ARHGAP6: variants seen among roughly 807,000 people sequenced by gnomAD.
ARHGAP6 encodes Rho GTPase activating protein 6.
A neutral mutation model predicts 55.7 loss-of-function variants in ARHGAP6; 16 were observed. That is an observed-to-expected ratio of 0.29 (90% CI 0.19 to 0.44). The LOEUF is 0.44. Ranked by LOEUF, ARHGAP6 falls within the 20% of genes least tolerant of loss-of-function variation. The pLI is 1.00. For synonymous variants in ARHGAP6, 382 were observed against 360.9 expected, an observed-to-expected ratio of 1.06 and a Z score of -0.66; for missense variants, 698 against 808.9, an observed-to-expected ratio of 0.86 and a Z score of 1.66.
chrX:11,662,385 C>T (rs767791770), intron 1 of ARHGAP6, among the ~76,000 whole-genome samples: 1 of 110,398 alleles, frequency 9.1e-6, no homozygotes, highest in South Asian at 4.0e-4. Context: ...TCCATGCCTG[C>T]CTCAAGCATA....
chrX:11,523,036 A>T (rs1208895873), intron 1 of ARHGAP6, among the ~76,000 whole-genome samples: 2 of 111,826 alleles, frequency 1.8e-5, no homozygotes, highest in East Asian at 5.6e-4. Flanking sequence ...CTTCTCCACC[A>T]TGATCAAGTG....
chrX:11,491,460 G>A (rs140594944), intron 1 of ARHGAP6, among the ~76,000 whole-genome samples: 8,084 of 109,083 alleles, frequency 0.074, 349 homozygotes, highest in East Asian at 0.17. Flanking sequence ...GAGAATATGC[G>A]GTGTCTGGTT....
At chrX:11,365,842 T>C (rs1441403866) in intron 1 of ARHGAP6, among the ~76,000 whole-genome samples, 1 of 112,109 alleles carries the variant, frequency 8.9e-6, no homozygotes, top group Non-Finnish European at 1.9e-5. Context: ...ATACCACTGG[T>C]TTTAGTCAGC....
intron 3 of ARHGAP6, among the ~76,000 whole-genome samples, chrX:11,191,692 G>A (rs371451777): frequency 2.7e-5 from 3 of 111,060 alleles, no homozygotes; most frequent in African/African-American, 6.6e-5. Context: ...ACTTCATCCC[G>A]TCTAGCTGGT....
chrX:11,588,291 T>C (rs765135428), intron 1 of ARHGAP6, among the ~76,000 whole-genome samples: 1 of 112,275 alleles, frequency 8.9e-6, no homozygotes. Context: ...TCTACAAATG[T>C]AGATAATCAC....
At chrX:11,456,196 G>A (rs1420132346) in intron 1 of ARHGAP6, among the ~76,000 whole-genome samples, 5 of 111,602 alleles carry the variant, frequency 4.5e-5, no homozygotes, top group East Asian at 5.6e-4. Flanking sequence ...TTTAACTATC[G>A]TAAGCCACTA....
chrX:11,570,328 A>C (rs1418188402), intron 1 of ARHGAP6, among the ~76,000 whole-genome samples: 1 of 111,998 alleles, frequency 8.9e-6, no homozygotes, highest in Non-Finnish European at 1.9e-5. Context: ...TCTTCTGCTC[A>C]TCTGAAGAAT....
chrX:11,218,607 T>G (rs1265867), intron 2 of ARHGAP6, among the ~76,000 whole-genome samples: 49,030 of 110,008 alleles, frequency 0.45, 8,575 homozygotes, highest in East Asian at 0.78. Context: ...TTTTTTTGGT[T>G]GGTAGGCTAT....
At chrX:11,634,500 A>G (rs1361126991) in intron 1 of ARHGAP6, among the ~76,000 whole-genome samples, 1 of 111,539 alleles carries the variant, frequency 9.0e-6, no homozygotes, top group Non-Finnish European at 1.9e-5. Flanking sequence ...TAAGATATGT[A>G]GTCATTGTAG....
chrX:11,659,284 C>T (rs886199622), intron 1 of ARHGAP6, among the ~76,000 whole-genome samples: 1 of 111,346 alleles, frequency 9.0e-6, no homozygotes, highest in African/African-American at 3.3e-5. Context: ...CCATGCTCCC[C>T]CAGACACCAG....
At chrX:11,453,188 C>G (rs1181776798) in intron 1 of ARHGAP6, among the ~76,000 whole-genome samples, 1 of 95,326 alleles carries the variant, frequency 1.0e-5, no homozygotes, top group East Asian at 3.0e-4. Context: ...TTGGCTCTCT[C>G]TCTCTCTATA....
chrX:11,566,216 G>A (rs1169529934), intron 1 of ARHGAP6, among the ~76,000 whole-genome samples: 1 of 112,169 alleles, frequency 8.9e-6, no homozygotes, highest in Non-Finnish European at 1.9e-5. Context: ...GAGGTTTCCT[G>A]GAAGGTGAGA....
intron 2 of ARHGAP6, among the ~76,000 whole-genome samples, chrX:11,206,574 T>C (rs2046708023): frequency 2.7e-5 from 3 of 112,128 alleles, no homozygotes; most frequent in Non-Finnish European, 5.6e-5. Context: ...TATCTTCCGT[T>C]AGTAGTATGA....
intron 1 of ARHGAP6, among the ~76,000 whole-genome samples, chrX:11,338,535 T>C (rs1332284440): frequency 9.0e-6 from 1 of 111,627 alleles, no homozygotes; most frequent in Non-Finnish European, 1.9e-5. Flanking sequence ...AAAAATAAGT[T>C]AATTAATCTC....
chrX:11,360,509 AAAT>A (rs1177732572), intron 1 of ARHGAP6, among the ~76,000 whole-genome samples: 1 of 109,252 alleles, frequency 9.2e-6, no homozygotes, highest in East Asian at 2.8e-4. Context: ...ACGTATCTCA[AAAT>A]AATAAGAGCT....
At chrX:11,319,986 G>A (rs1044811064) in intron 1 of ARHGAP6, among the ~76,000 whole-genome samples, 6 of 111,998 alleles carry the variant, frequency 5.4e-5, no homozygotes, top group Non-Finnish European at 1.1e-4. Context: ...TGTTATTCGC[G>A]TAACTTCTTT....
chrX:11,501,026 G>C lies in ARHGAP6; in HGVS notation c.588+163215C>G, dbSNP rs187957237. On this transcript the variant is annotated intron_variant, in intron 1 of 12. Coordinates refer to ENST00000337414, the MANE Select transcript of ARHGAP6 (RefSeq NM_013427.3). ...GAGGTTGGCAAATTAGTTCTGTAAA[G>C]GGCCAGATAGTAAATATGTTTGGCT... is the stretch of plus-strand genomic sequence containing the variant. Among the ~76,000 whole-genome samples the C allele has an allele frequency of 5.4e-4, 61 of 112,056 alleles. No homozygotes were observed. The East Asian group carries it at 0.014, about 26-fold the overall frequency.
intron 1 of ARHGAP6, among the ~76,000 whole-genome samples, chrX:11,285,052 C>T (rs1284299924): frequency 9.0e-6 from 1 of 111,246 alleles, no homozygotes; most frequent in Non-Finnish European, 1.9e-5. Context: ...CATAAGATTC[C>T]TGAGTTGCTG....
intron 1 of ARHGAP6, among the ~76,000 whole-genome samples, chrX:11,479,534 C>A (rs2050435471): frequency 1.8e-5 from 2 of 112,100 alleles, no homozygotes; most frequent in Non-Finnish European, 3.8e-5. Context: ...ACTTAGAACT[C>A]TTTTCAGGGC....
Sources: allele counts gnomAD v4.1 joint callset (sites outside exome capture counted in the v4.1 genomes callset), GRCh38; gene constraint gnomAD v4.1.1; transcripts MANE v1.5; gene names NCBI Gene and HGNC (gene_info 2026-07-23, HGNC 2026-07-21).